CCDC12: variants seen among roughly 807,000 people sequenced by gnomAD.
The protein encoded by CCDC12 is coiled-coil domain-containing protein 12.
Under a neutral mutation model 25.7 loss-of-function variants are expected in CCDC12, and 28 were observed. The ratio of observed to expected loss-of-function variants is 1.09; its 90% CI spans 0.81 to 1.50. CCDC12 has a LOEUF of 1.50. Ranked by LOEUF, CCDC12 falls within the 40% of genes most tolerant of loss-of-function variation. The pLI is 0.00. For synonymous variants in CCDC12, 75 were observed against 87.7 expected (o/e 0.86, Z 0.81); for missense variants, 198 against 210.0 (o/e 0.94, Z 0.35).
upstream of CCDC12, chr3:46,979,787 C>A: frequency 2.6e-6 from 1 of 378,754 alleles, no homozygotes; most frequent in Non-Finnish European, 4.7e-6. Flanking sequence ...ATGGGCCTGG[C>A]CGAGGGCAAC....
chr3:46,969,953 G>C (rs1209596038), intron 1 of CCDC12, among the ~76,000 whole-genome samples: 1 of 148,750 alleles, frequency 6.7e-6, no homozygotes, highest in Non-Finnish European at 1.5e-5. Context: ...CCCGGGCTGG[G>C]GTGCAGTGAC....
At chr3:46,979,037 C>A (rs762573372), upstream of CCDC12, among the ~76,000 whole-genome samples, 2 of 152,144 alleles carry the variant, frequency 1.3e-5, no homozygotes, top group Non-Finnish European at 1.5e-5. Context: ...GTTAAAGAAA[C>A]AACATATGTG....
intron 1 of CCDC12, among the ~76,000 whole-genome samples, chr3:46,974,496 C>A (rs977860896): frequency 1.3e-5 from 2 of 152,178 alleles, no homozygotes; most frequent in Admixed American, 6.5e-5. Flanking sequence ...TAAATCCAAG[C>A]GAACAGCTCA....
At chr3:46,976,548 T>C in intron 1 of CCDC12, 89 bp downstream of exon 1, 1 of 1,494,928 alleles carries the variant, frequency 6.7e-7, no homozygotes, top group Non-Finnish European at 8.9e-7. Flanking sequence ...GCAGCTGTCT[T>C]TCCTTATTAG....
intron 1 of CCDC12, among the ~76,000 whole-genome samples, chr3:46,961,705 T>A (rs764772555): frequency 3.3e-5 from 5 of 152,238 alleles, no homozygotes; most frequent in Non-Finnish European, 7.3e-5. Flanking sequence ...AGGGGTGGCA[T>A]GAATTGGGAC....
At chr3:46,975,239 G>T (rs1282629799) in intron 1 of CCDC12, among the ~76,000 whole-genome samples, 1 of 151,278 alleles carries the variant, frequency 6.6e-6, no homozygotes. Context: ...AGGCTGGAGT[G>T]CAGTGGCGCG....
At chr3:46,950,012 TGA>T in intron 1 of CCDC12, among the ~76,000 whole-genome samples, 2 of 129,970 alleles carry the variant, frequency 1.5e-5, no homozygotes, top group Non-Finnish European at 3.2e-5. Flanking sequence ...GGTGACAGAG[TGA>T]GACTCCATCT....
intron 1 of CCDC12, among the ~76,000 whole-genome samples, chr3:46,975,502 C>T (rs2034940302): frequency 6.6e-6 from 1 of 151,216 alleles, no homozygotes; most frequent in African/African-American, 2.4e-5. Flanking sequence ...CTAAGGCCCA[C>T]CCTTAGTTAG....
intron 1 of CCDC12, 112 bp from the exon 2 acceptor site, chr3:46,941,177 C>G (rs944100769): frequency 2.0e-6 from 2 of 982,436 alleles, no homozygotes; most frequent in East Asian, 2.4e-5. Flanking sequence ...CCTGGCAGGG[C>G]CCAGCTTGGT....
At chr3:46,950,194 A>G (rs6766676) in intron 1 of CCDC12, among the ~76,000 whole-genome samples, 143,734 of 152,128 alleles carry the variant, frequency 0.94, 68,469 homozygotes, top group East Asian at 1. Flanking sequence ...GCCCTGACAC[A>G]AAAACCAAGA....
At chr3:46,938,545 G>GTTTTTTTTT (rs1274230265) in intron 2 of CCDC12, among the ~76,000 whole-genome samples, 1 of 133,650 alleles carries the variant, frequency 7.5e-6, no homozygotes, top group African/African-American at 2.8e-5. Flanking sequence ...TTTTTTTTTG[G>GTTTTTTTTT]TACAACAAAA....
At chr3:46,938,483 T>C (rs147392413) in intron 2 of CCDC12, among the ~76,000 whole-genome samples, 2 of 152,100 alleles carry the variant, frequency 1.3e-5, no homozygotes, top group East Asian at 3.9e-4. Context: ...AAAAGTAATG[T>C]TTTGCCATAT....
intron 1 of CCDC12, among the ~76,000 whole-genome samples, chr3:46,945,799 T>C (rs2033880273): frequency 6.6e-6 from 1 of 152,268 alleles, no homozygotes. Flanking sequence ...GTGACTTATA[T>C]TGTTCTCTTA....
intron 1 of CCDC12, among the ~76,000 whole-genome samples, chr3:46,966,374 G>A (rs137871203): frequency 0.016 from 2,425 of 152,168 alleles, 69 homozygotes; most frequent in African/African-American, 0.054. Flanking sequence ...TTAGCCGGGC[G>A]CGGTGACACA....
chr3:46,969,284 T>C (rs1372733288), intron 1 of CCDC12, among the ~76,000 whole-genome samples: 2 of 152,182 alleles, frequency 1.3e-5, no homozygotes, highest in Non-Finnish European at 2.9e-5. Flanking sequence ...ACCTTGGCAT[T>C]GCTCCCACTC....
chr3:46,978,648 T>A (rs1359299498), upstream of CCDC12, among the ~76,000 whole-genome samples: 2 of 151,888 alleles, frequency 1.3e-5, no homozygotes, highest in Non-Finnish European at 2.9e-5. Flanking sequence ...GCTGCCCAAG[T>A]GGTCCTCATT....
Position 46,922,267 on chromosome 3 carries a change from C to A in CCDC12, c.387G>T (p.Lys129Asn), listed in dbSNP as rs897748537. The A allele has an allele frequency of 6.2e-6, 10 of 1,614,276 alleles. No individual in the cohort carries two copies. The highest frequency in any genetic ancestry group is 8.5e-6 in the Non-Finnish European group (10 of 1,180,050). The change falls in exon 6 of 7, where the codon AAG becomes AAT. Residue 129 changes from lysine (K) to asparagine (N), a missense_variant. By Grantham distance (94) the Lys-to-Asn change is moderately conservative (BLOSUM62 0). Transcript: ENST00000683445. ...GCTCGGCAATGGCCCTCTGAGTCCGCTTTTTTAGTTTCTCCAGCTTCTTGG... is the reference window on the plus strand; with the variant it reads ...GCTCGGCAATGGCCCTCTGAGTCCGATTTTTTAGTTTCTCCAGCTTCTTGG... ...DVAKKLEKLKKRTQRAIAELI... is the reference protein window; with the variant it reads ...DVAKKLEKLKNRTQRAIAELI...
chr3:46,973,612 T>C (rs1197795220), intron 1 of CCDC12, among the ~76,000 whole-genome samples: 2 of 105,496 alleles, frequency 1.9e-5, no homozygotes, highest in African/African-American at 6.9e-5. Flanking sequence ...TTTCTTCTTT[T>C]CTTTTTTTTT....
intron 1 of CCDC12, among the ~76,000 whole-genome samples, chr3:46,951,672 C>G (rs933578842): frequency 1.6e-4 from 23 of 145,840 alleles, no homozygotes; most frequent in African/African-American, 5.6e-4. Context: ...CCCAGCTACT[C>G]GGGAGGCTGA....
Sources: gnomAD v4.1 joint callset for allele counts (sites outside exome capture counted in the v4.1 genomes callset) on GRCh38, gnomAD v4.1.1 for gene constraint, MANE v1.5 for transcripts, NCBI Gene and HGNC (gene_info 2026-07-23, HGNC 2026-07-21) for gene names.